Variants in SYCN observed in about 807,000 individuals in gnomAD.
SYCN encodes the protein syncollin, also known as insulin synthesis associated 1.
In SYCN, 16 loss-of-function variants were observed where a neutral mutation model predicts 12.6. The ratio of observed to expected loss-of-function variants is 1.27; its 90% confidence interval spans 0.86 to 1.92. The LOEUF (loss-of-function observed/expected upper bound fraction) is 1.92, where lower values mean the gene tolerates loss of function less well. Among genes scored for constraint, SYCN ranks in the 30% most tolerant of loss-of-function variants. SYCN has a pLI of 0.00. For synonymous variants in SYCN, 97 were observed against 88.4 expected (o/e 1.10, Z -0.55); for missense variants, 226 against 181.8 (o/e 1.24, Z -1.40).
rs2074802194 is a variant in SYCN at position 39,204,261 on chromosome 19, A to C, written c.-7T>G. 2.0e-6 allele frequency: 3 copies of C among 1,528,200 alleles called. No homozygotes were observed. The highest frequency in any genetic ancestry group is 2.5e-5 in the South Asian group (2 of 79,860). 94.7% of individuals were successfully genotyped at this position (1,528,200 alleles called of 1,614,324 possible). On this transcript the variant is annotated 5_prime_UTR_variant, in exon 1 of 2. Coordinates refer to ENST00000318438, the MANE Select transcript of SYCN (RefSeq NM_001080468.4). The stretch of plus-strand genomic sequence containing the variant: ...GCGGGCGCAGCGGGGACATGGTGGC[A>C]GTGCCCTGCCGCAGCCCCGCGCGCT...
At position 39,204,196 on chromosome 19, in the gene SYCN, T is replaced by C. The variant is rs940230176; in HGVS notation, c.59A>G (p.Gln20Arg). The C allele has an allele frequency of 6.2e-7, 1 of 1,609,688 alleles. No individual in the cohort carries two copies. Among genetic ancestry groups the C allele is most frequent in the Non-Finnish European group, 8.5e-7 (1 of 1,179,154 alleles). ...GTCGGCGGAGGCGGGGCAGGCGCCC[T>C]GGGCGCAAGGCACGGAGGCAAGGGC... The part of the protein sequence containing the change: ...ALALASVPCA[Q>R]GACPASADLK... The change falls in exon 1 of 2, where the codon CAG (glutamine) becomes CGG (arginine). Residue 20 changes from glutamine (Q) to arginine (R), a missense_variant. Transcript: ENST00000318438.
At position 39,204,229 on chromosome 19, in the gene SYCN, A is replaced by G. The variant is rs536815943; in HGVS notation, c.26T>C (p.Leu9Pro). 1.9e-6 allele frequency: 3 copies of G among 1,590,452 alleles called. No homozygotes were observed. In the South Asian group the frequency reaches 3.4e-5, roughly 18 times the overall value. ...AGGCACGGAGGCAAGGGCCAGGGCC[A>G]GCAGCAGCGGGCGCAGCGGGGACAT... MSPLRPLL[L>P]ALALASVPCA... Residue 9 changes from leucine to proline, a missense_variant, in exon 1 of 2, where the codon CTG (leucine) becomes CCG (proline). Physicochemically the swap from Leu to Pro is moderately conservative, Grantham distance 98. Coordinates refer to ENST00000318438, the MANE Select transcript of SYCN (RefSeq NM_001080468.4).
At chr19:39,203,487 C>A (rs1348765245) in intron 1 of SYCN, among the ~76,000 whole-genome samples, 1 of 151,886 alleles carries the variant, frequency 6.6e-6, no homozygotes, top group Non-Finnish European at 1.5e-5. Context: ...GGTCTAGGAG[C>A]TCTCAGTCCC....
intron 1 of SYCN, 42 bp downstream of exon 1, chr19:39,203,818 C>A: frequency 6.5e-7 from 1 of 1,539,066 alleles, no homozygotes. Context: ...GGAGCTGGGG[C>A]CTGGGCCTGG....
chr19:39,202,941 G>C lies in SYCN; in HGVS notation c.*46C>G. 6.4e-7 allele frequency: 1 copy of C among 1,572,456 alleles called. No individual in the cohort carries two copies. The highest frequency in any genetic ancestry group is 1.7e-4 in the Middle Eastern group (1 of 5,970). The stretch of plus-strand genomic sequence containing the variant: ...AGAGCCCAGGGATGGGCTGAGTGAG[G>C]GGCTTGGCACTCTGTGGAAGCTGCA... On this transcript the variant is annotated 3_prime_UTR_variant, in exon 2 of 2. Coordinates refer to ENST00000318438, the MANE Select transcript of SYCN (RefSeq NM_001080468.4).
In SYCN at chr19:39,203,948, A is replaced by C. The variant is rs1231428878; in HGVS notation, c.307T>G (p.Phe103Val). ...RQGKAGKTHK[F>V]SAGTYPRLEE... ...AGGCGCGGGTAGGTGCCGGCAGAGA[A>C]CTTGTGCGTCTTGCCCGCCTTGCCT... The change falls in exon 1 of 2, where the codon TTC becomes GTC. Residue 103 changes from phenylalanine to valine, a missense_variant. By Grantham distance (50) the Phe-to-Val change is conservative. Coordinates refer to ENST00000318438, the MANE Select transcript of SYCN (RefSeq NM_001080468.4). 3 of 1,610,014 alleles carry C rather than the reference A, an allele frequency of 1.9e-6. No individual in the cohort carries two copies. The South Asian group carries it at 3.3e-5, about 18-fold the overall frequency.
At chr19:39,203,412 G>A (rs1289058610) in intron 1 of SYCN, among the ~76,000 whole-genome samples, 1 of 151,988 alleles carries the variant, frequency 6.6e-6, no homozygotes, top group African/African-American at 2.4e-5. Context: ...GAGTCTGGGA[G>A]CTTTGAGATG....
chr19:39,203,661 G>C (rs951169102), intron 1 of SYCN, among the ~76,000 whole-genome samples, 199 bp downstream of exon 1: 2 of 151,944 alleles, frequency 1.3e-5, no homozygotes, highest in Non-Finnish European at 2.9e-5. Context: ...TGGGGGTGAG[G>C]AGAAGGAGGA....
At position 39,204,098 on chromosome 19, in the gene SYCN, A is replaced by C. The variant is rs2074800820; in HGVS notation, c.157T>G (p.Cys53Gly). ...DKSDPYYENC[C>G]GGAELSLESG... is the part of the protein sequence containing the mutation. ...TCCAGCGACAGCTCGGCGCCCCCGC[A>C]GCAGTTCTCATAGTAGGGGTCGCTC... is the stretch of plus-strand genomic sequence containing the variant. Residue 53 changes from cysteine to glycine, a missense_variant, in exon 1 of 2, where the codon TGC (cysteine) becomes GGC (glycine). Cys to Gly is a radical substitution (Grantham distance 159). Transcript: ENST00000318438. The C allele has an allele frequency of 1.2e-6, 2 of 1,613,122 alleles. No individual in the cohort carries two copies. The highest frequency in any genetic ancestry group is 1.7e-6 in the Non-Finnish European group (2 of 1,179,670).
Position 39,204,107 on chromosome 19 carries a change from C to G in SYCN, c.148G>C (p.Glu50Gln). The change falls in exon 1 of 2, where the codon GAG (glutamate) becomes CAG (glutamine). Residue 50 changes from glutamate (E) to glutamine (Q), a missense_variant. Physicochemically the swap from Glu to Gln is conservative, Grantham distance 29. Coordinates refer to ENST00000318438, the MANE Select transcript of SYCN (RefSeq NM_001080468.4). ...KLYDKSDPYY[E>Q]NCCGGAELSL... ...AGCTCGGCGCCCCCGCAGCAGTTCTCATAGTAGGGGTCGCTCTTGTCATAG... is the reference window on the plus strand; with the variant it reads ...AGCTCGGCGCCCCCGCAGCAGTTCTGATAGTAGGGGTCGCTCTTGTCATAG... 2 of 1,613,162 alleles carry G rather than the reference C, an allele frequency of 1.2e-6. No homozygotes were observed. Among genetic ancestry groups the G allele is most frequent in the Admixed American group, 1.7e-5 (1 of 60,004 alleles).
Position 39,204,082 on chromosome 19 carries a change from AGCTCGGCGCCCCC to A in SYCN, c.160_172del (p.Gly54CysfsTer62), listed in dbSNP as rs1192169792. On this transcript the variant is annotated frameshift_variant, in exon 1 of 2. Coordinates refer to ENST00000318438, the MANE Select transcript of SYCN (RefSeq NM_001080468.4). LOFTEE classifies it high-confidence loss of function. The stretch of plus-strand genomic sequence containing the variant: ...CAGGTCTGCGCCCGACTCCAGCGAC[AGCTCGGCGCCCCC>A]GCAGCAGTTCTCATAGTAGGGGTCG... The A allele has an allele frequency of 3.7e-6, 6 of 1,612,914 alleles. No individual in the cohort carries two copies. Among genetic ancestry groups the A allele is most frequent in the Non-Finnish European group, 5.1e-6 (6 of 1,179,570 alleles).
intron 1 of SYCN, among the ~76,000 whole-genome samples, chr19:39,203,507 C>T (rs796446268): frequency 6.6e-6 from 1 of 151,942 alleles, no homozygotes; most frequent in African/African-American, 2.4e-5. Flanking sequence ...CCAGAATTAG[C>T]CAGCCCTCTC....
intron 1 of SYCN, among the ~76,000 whole-genome samples, chr19:39,203,549 C>A (rs2074796973): frequency 6.6e-6 from 1 of 151,798 alleles, no homozygotes; most frequent in Non-Finnish European, 1.5e-5. Flanking sequence ...GGTGGGTAGG[C>A]GGAAGATTCC....
At chr19:39,203,819 C>G in intron 1 of SYCN, 41 bp downstream of exon 1, 1 of 1,541,154 alleles carries the variant, frequency 6.5e-7, no homozygotes, top group Non-Finnish European at 8.8e-7. Context: ...GAGCTGGGGC[C>G]TGGGCCTGGG....
At position 39,203,890 on chromosome 19, in the gene SYCN, C is replaced by T; in HGVS notation, c.365G>A (p.Trp122Ter). The change falls in exon 1 of 2, where the codon TGG becomes TAG. Residue 122 changes from tryptophan to a stop codon, truncating the protein, a stop_gained. Coordinates refer to ENST00000318438, the MANE Select transcript of SYCN (RefSeq NM_001080468.4). LOFTEE classifies it high-confidence loss of function. Reference sequence around the variant, plus strand: ...GTAGAGCGCGGAGATAGCGTTGGACCAGTCTCCTAAGATGCCCCGGCGGTA... The same window carrying T: ...GTAGAGCGCGGAGATAGCGTTGGACTAGTCTCCTAAGATGCCCCGGCGGTA... The part of the protein sequence containing the change: ...EEYRRGILGD[W>*]SNAISALYCR... 6.2e-7 allele frequency: 1 copy of T among 1,609,592 alleles called. No individual in the cohort carries two copies. The highest frequency in any genetic ancestry group is 8.5e-7 in the Non-Finnish European group (1 of 1,177,704).
At position 39,203,940 on chromosome 19, in the gene SYCN, G is replaced by T. The variant is rs990382684; in HGVS notation, c.315C>A (p.Ala105=). 1 of 1,610,166 alleles carries T rather than the reference G, an allele frequency of 6.2e-7. No individual in the cohort carries two copies. Among genetic ancestry groups the T allele is most frequent in the Admixed American group, 1.7e-5 (1 of 59,386 alleles). The change falls in exon 1 of 2, where the codon GCC becomes GCA. Residue 105 remains alanine, a synonymous_variant. Transcript: ENST00000318438. ...GKAGKTHKFS[A]GTYPRLEEYR... ...ACTCCTCCAGGCGCGGGTAGGTGCCGGCAGAGAACTTGTGCGTCTTGCCCG... is the reference window on the plus strand; with the variant it reads ...ACTCCTCCAGGCGCGGGTAGGTGCCTGCAGAGAACTTGTGCGTCTTGCCCG...
rs1262981744 is a variant in SYCN, at chr19:39,204,083, G to A, written c.172C>T (p.Leu58=). The part of the protein sequence containing the change: ...YYENCCGGAE[L]SLESGADLPY... ...AGGTCTGCGCCCGACTCCAGCGACA[G>A]CTCGGCGCCCCCGCAGCAGTTCTCA... The change falls in exon 1 of 2, where the codon CTG becomes TTG. Residue 58 remains leucine, a synonymous_variant. Transcript: ENST00000318438. The A allele has an allele frequency of 5.0e-6, 8 of 1,613,030 alleles. No individual in the cohort carries two copies. The African/African-American group carries it at 1.1e-4, about 21-fold the overall frequency.
At chr19:39,203,646 G>C (rs1476245004) in intron 1 of SYCN, among the ~76,000 whole-genome samples, 1 of 151,892 alleles carries the variant, frequency 6.6e-6, no homozygotes, top group Non-Finnish European at 1.5e-5. Flanking sequence ...GTGGGGACCG[G>C]GTGCTGGGGG....
chr19:39,203,203 G>A (rs2074795726), intron 1 of SYCN, among the ~76,000 whole-genome samples: 1 of 151,648 alleles, frequency 6.6e-6, no homozygotes, highest in Admixed American at 6.6e-5. Context: ...TTGGGAGGGT[G>A]TCACCGCTGG....
Sources: gnomAD v4.1 joint callset for allele counts (sites outside exome capture counted in the v4.1 genomes callset) on GRCh38, gnomAD v4.1.1 for gene constraint, MANE v1.5 for transcripts, NCBI Gene and HGNC (gene_info 2026-07-23, HGNC 2026-07-21) for gene names.